Variants in GREM2 observed in about 807,000 individuals in gnomAD.
The protein encoded by GREM2 is gremlin 2, DAN family BMP antagonist.
A neutral mutation model predicts 14.2 loss-of-function variants in GREM2; 11 were observed. That is an observed-to-expected ratio of 0.78 (90% confidence interval 0.49 to 1.28). The LOEUF is 1.28. Ranked by LOEUF, GREM2 falls within the 50% of genes most tolerant of loss-of-function variation. GREM2 has a pLI of 0.00. For synonymous variants in GREM2, 98 were observed against 97.6 expected, an observed-to-expected ratio of 1.00 and a Z score of -0.02; for missense variants, 210 against 218.5, an observed-to-expected ratio of 0.96 and a Z score of 0.24.
At chr1:240,609,253 A>G (rs927905179) in intron 1 of GREM2, among the ~76,000 whole-genome samples, 1 of 152,010 alleles carries the variant, frequency 6.6e-6, no homozygotes, top group African/African-American at 2.4e-5. Flanking sequence ...TGTTCTACAA[A>G]TCAGTGCGCC....
At position 240,542,402 on chromosome 1, in the gene GREM2, C is replaced by T. The variant is rs192009612; in HGVS notation, c.-1-48926G>A. On this transcript the variant is annotated intron_variant, in intron 1 of 1. Transcript: ENST00000318160. The surrounding 1 kb of genome is among the most constrained non-coding windows in gnomAD (Gnocchi z 4.1). ...GGCAGATCACTTGCGGCCAGGAGTT[C>T]GAGACCAGCCTGGCCAACATGGCGA... 7.6e-3 allele frequency among the ~76,000 whole-genome samples: 1,116 copies of T among 147,132 alleles called. 15 individuals carry two copies. Among genetic ancestry groups the T allele is most frequent in the African/African-American group, 0.027 (1,055 of 39,520 alleles).
intron 1 of GREM2, among the ~76,000 whole-genome samples, chr1:240,578,832 A>G (rs1679423628): frequency 6.6e-6 from 1 of 151,470 alleles, no homozygotes. Flanking sequence ...GAAAAAAAAG[A>G]GCAAATTTCA....
At chr1:240,549,394 A>G (rs1678801268) in intron 1 of GREM2, among the ~76,000 whole-genome samples, 1 of 152,078 alleles carries the variant, frequency 6.6e-6, no homozygotes, top group African/African-American at 2.4e-5. Context: ...GAACAGGAGT[A>G]GGGTAAAAAT....
At position 240,595,400 on chromosome 1, in the gene GREM2, C is replaced by A. The variant is rs191249236; in HGVS notation, c.-2+16484G>T. Among the ~76,000 whole-genome samples the A allele has an allele frequency of 1.2e-4, 18 of 152,274 alleles. No individual in the cohort carries two copies. In the East Asian group the frequency reaches 3.5e-3, roughly 29 times the overall value. On this transcript the variant is annotated intron_variant, in intron 1 of 1. Coordinates refer to ENST00000318160, the MANE Select transcript of GREM2 (RefSeq NM_022469.4). ...TCCTTTTCTTAAGTTCTTTTGCTCTCTTGGGGTTATACTTCATCCCCTCCC... is the reference window on the plus strand; with the variant it reads ...TCCTTTTCTTAAGTTCTTTTGCTCTATTGGGGTTATACTTCATCCCCTCCC...
At chr1:240,580,930 T>C (rs1679470903) in intron 1 of GREM2, among the ~76,000 whole-genome samples, 1 of 152,102 alleles carries the variant, frequency 6.6e-6, no homozygotes, top group South Asian at 2.1e-4. Flanking sequence ...AATAATGTAA[T>C]AATGGAGGGT....
chr1:240,545,508 TTGTACAAAA>T (rs752989089), intron 1 of GREM2, among the ~76,000 whole-genome samples: 75,738 of 151,542 alleles, frequency 0.5, 20,828 homozygotes, highest in African/African-American at 0.74. Context: ...ATTGTACAAA[TTGTACAAAA>T]TTGTAACTAA....
At position 240,542,010 on chromosome 1, in the gene GREM2, A is replaced by C. The variant is rs1460252073; in HGVS notation, c.-1-48534T>G. On this transcript the variant is annotated intron_variant, in intron 1 of 1. Transcript: ENST00000318160. The surrounding 1 kb of genome is among the most constrained non-coding windows in gnomAD (Gnocchi z 4.1). ...ATATATTGATGACATTAATGGTTTTAAACTGGTTGTGATTTTGCCCCTCAG... is the reference window on the plus strand; with the variant it reads ...ATATATTGATGACATTAATGGTTTTCAACTGGTTGTGATTTTGCCCCTCAG... Among the ~76,000 whole-genome samples the C allele has an allele frequency of 6.6e-6, 1 of 152,130 alleles. No homozygotes were observed. Among genetic ancestry groups the C allele is most frequent in the Non-Finnish European group, 1.5e-5 (1 of 68,012 alleles).
At chr1:240,589,494 T>G (rs1292296461) in intron 1 of GREM2, among the ~76,000 whole-genome samples, 2 of 151,742 alleles carry the variant, frequency 1.3e-5, no homozygotes, top group Non-Finnish European at 2.9e-5. Flanking sequence ...TTAAATTAAA[T>G]TTTAACAATT....
At chr1:240,505,281 TC>T (rs921370763) in intron 1 of GREM2, among the ~76,000 whole-genome samples, 13 of 152,162 alleles carry the variant, frequency 8.5e-5, no homozygotes, top group Non-Finnish European at 1.8e-4. Flanking sequence ...AAATCTCTTT[TC>T]TTTATACATT....
At chr1:240,592,898 C>A (rs558585570) in intron 1 of GREM2, among the ~76,000 whole-genome samples, 1 of 151,972 alleles carries the variant, frequency 6.6e-6, no homozygotes, top group South Asian at 2.1e-4. Flanking sequence ...GGTTGGGAAG[C>A]CAAGGCAGGC....
At chr1:240,523,132 G>T (rs1294996957) in intron 1 of GREM2, among the ~76,000 whole-genome samples, 1 of 152,130 alleles carries the variant, frequency 6.6e-6, no homozygotes, top group Non-Finnish European at 1.5e-5. Flanking sequence ...TTTCACTCTT[G>T]CCCAGGTTGG....
At chr1:240,551,291 G>T (rs1678843984) in intron 1 of GREM2, among the ~76,000 whole-genome samples, 1 of 152,180 alleles carries the variant, frequency 6.6e-6, no homozygotes, top group Non-Finnish European at 1.5e-5. Flanking sequence ...CATGGAAACT[G>T]AGTTCAGTGA....
At chr1:240,547,528 T>TAGACAGATAG (rs1262049155) in intron 1 of GREM2, among the ~76,000 whole-genome samples, 7 of 113,256 alleles carry the variant, frequency 6.2e-5, no homozygotes, top group African/African-American at 3.7e-4. Flanking sequence ...TATATATATA[T>TAGACAGATAG]ATATATAGAT....
In GREM2 at chr1:240,492,891, G is replaced by T; in HGVS notation, c.*78C>A. 1 of 1,291,848 alleles carries T rather than the reference G, an allele frequency of 7.7e-7. No homozygotes were observed. The highest frequency in any genetic ancestry group is 9.9e-7 in the Non-Finnish European group (1 of 1,013,430). The allele number at this position is 1,291,848 out of a possible 1,614,324, so 80.0% of individuals were successfully genotyped here. ...ACCAGGCAGCGTGACAGTGGGCTCG[G>T]AGGGCAGGGACAGAGGCGGCGGCGG... On this transcript the variant is annotated 3_prime_UTR_variant, in exon 2 of 2. Coordinates refer to ENST00000318160, the MANE Select transcript of GREM2 (RefSeq NM_022469.4).
intron 1 of GREM2, 123 bp from the exon 2 acceptor site, chr1:240,493,599 CACG>C: frequency 8.5e-7 from 1 of 1,178,734 alleles, no homozygotes; most frequent in Non-Finnish European, 1.2e-6. Context: ...AGTGCAGGGG[CACG>C]TAGCTTGCTG....
intron 1 of GREM2, among the ~76,000 whole-genome samples, chr1:240,606,826 G>A (rs1247538558): frequency 6.6e-6 from 1 of 151,992 alleles, no homozygotes; most frequent in Non-Finnish European, 1.5e-5. Context: ...TTACAGGCGT[G>A]CACCACCATG....
chr1:240,515,047 A>G (rs1677923983), intron 1 of GREM2, among the ~76,000 whole-genome samples: 1 of 152,232 alleles, frequency 6.6e-6, no homozygotes, highest in Non-Finnish European at 1.5e-5. Flanking sequence ...GCCACATTAG[A>G]TAGGAAAGAG....
At chr1:240,605,851 A>G (rs1311215316) in intron 1 of GREM2, among the ~76,000 whole-genome samples, 1 of 152,106 alleles carries the variant, frequency 6.6e-6, no homozygotes, top group Non-Finnish European at 1.5e-5. Flanking sequence ...CTACTTGGAA[A>G]AACAAAACCT....
chr1:240,584,136 A>G (rs1172147649), intron 1 of GREM2, among the ~76,000 whole-genome samples: 1 of 152,180 alleles, frequency 6.6e-6, no homozygotes, highest in East Asian at 1.9e-4. Flanking sequence ...GACTACAACA[A>G]TGAAAATAAT....
Sources: gnomAD v4.1 joint callset for allele counts (sites outside exome capture counted in the v4.1 genomes callset) on GRCh38, gnomAD v4.1.1 for gene constraint, Gnocchi (gnomAD v3.1) non-coding constraint, MANE v1.5 for transcripts, NCBI Gene and HGNC (gene_info 2026-07-23, HGNC 2026-07-21) for gene names.